The following TMTC4 variants were observed in gnomAD, a reference collection of about 807,000 sequenced individuals.
The protein encoded by TMTC4 is transmembrane O-mannosyltransferase targeting cadherins 4, also known as protein O-mannosyl-transferase TMTC4.
TMTC4 carries 65 observed loss-of-function variants against 86.0 expected under a neutral mutation model. The ratio of observed to expected loss-of-function variants is 0.76; its 90% CI spans 0.62 to 0.93. The LOEUF (loss-of-function observed/expected upper bound fraction) is 0.93. Among genes scored for constraint, TMTC4 ranks in the 40% least tolerant of loss-of-function variants. The pLI is 0.00. For synonymous variants in TMTC4, 379 were observed against 382.5 expected (o/e 0.99, Z 0.11); for missense variants, 866 against 948.1 (o/e 0.91, Z 1.14).
chr13:100,635,744 A>G (rs975233580), intron 10 of TMTC4: 1 of 153,050 alleles, frequency 6.5e-6, no homozygotes, highest in Non-Finnish European at 1.5e-5. Context: ...GAGCATTGAA[A>G]CACTTCTGGA....
At chr13:100,626,268 C>T in intron 12 of TMTC4, 118 bp from the exon 13 acceptor site, 1 of 1,062,816 alleles carries the variant, frequency 9.4e-7, no homozygotes, top group South Asian at 1.4e-5. Context: ...AAATCACCCA[C>T]CAGAACTTTA....
At position 100,610,175 on chromosome 13, in the gene TMTC4, C is replaced by T. The variant is rs1877336009; in HGVS notation, c.2064+2223G>A. On this transcript the variant is annotated intron_variant, in intron 17 of 18. Coordinates refer to ENST00000342624, the MANE Select transcript of TMTC4 (RefSeq NM_032813.5). ...AGTGCTTGGGTAAAAAGTGAGTTGT[C>T]AGGGAGCAGACACCTGCCCTGCCAT... 3.3e-5 allele frequency among the ~76,000 whole-genome samples: 5 copies of T among 152,182 alleles called. No individual in the cohort carries two copies. The South Asian group carries it at 1.0e-3, about 32-fold the overall frequency.
At chr13:100,660,821 T>C (rs369680549) in intron 5 of TMTC4, among the ~76,000 whole-genome samples, 45 of 152,156 alleles carry the variant, frequency 3.0e-4, no homozygotes, top group Admixed American at 1.1e-3. Context: ...GCCCGGCTCA[T>C]TTTTGTATTT....
Position 100,636,635 on chromosome 13 carries a change from T to C in TMTC4, c.1099A>G (p.Lys367Glu). The C allele has an allele frequency of 6.2e-7, 1 of 1,614,178 alleles. No individual in the cohort carries two copies. Among genetic ancestry groups the C allele is most frequent in the Admixed American group, 1.7e-5 (1 of 60,020 alleles). ...ATTACCCTCCAGTCGCTGATGGACT[T>C]AATGAGGGGGATGCAGCCCATTGAC... Reference protein sequence around the residue: ...DWSMGCIPLIKSISDWRVIAL... With the variant: ...DWSMGCIPLIESISDWRVIAL... The change falls in exon 10 of 19, where the codon AAG becomes GAG. Residue 367 changes from lysine to glutamate, a missense_variant. By Grantham distance (56) the Lys-to-Glu change is moderately conservative. Coordinates refer to ENST00000342624, the MANE Select transcript of TMTC4 (RefSeq NM_032813.5).
intron 7 of TMTC4, chr13:100,638,862 T>A (rs1882625091): frequency 6.6e-6 from 1 of 152,316 alleles, no homozygotes; most frequent in Non-Finnish European, 1.5e-5. Context: ...GCTCTGTCCA[T>A]GACCCATGAG....
At chr13:100,673,457 C>T (rs1594399324) in intron 1 of TMTC4, among the ~76,000 whole-genome samples, 1 of 152,236 alleles carries the variant, frequency 6.6e-6, no homozygotes, top group African/African-American at 2.4e-5. Context: ...CCTATGCACG[C>T]TGAGAGGTGA....
At chr13:100,650,873 C>T (rs184200400) in intron 6 of TMTC4, among the ~76,000 whole-genome samples, 1 of 152,318 alleles carries the variant, frequency 6.6e-6, no homozygotes, top group East Asian at 1.9e-4. Flanking sequence ...CAAAGAAAAA[C>T]AGGTGTCTTT....
At chr13:100,624,677 T>C (rs968234597) in intron 15 of TMTC4, among the ~76,000 whole-genome samples, 3 of 152,260 alleles carry the variant, frequency 2.0e-5, no homozygotes, top group Admixed American at 6.5e-5. Context: ...CCTTCCTACC[T>C]GTAAGGCTAA....
At chr13:100,618,697 G>A (rs1473063746) in intron 15 of TMTC4, among the ~76,000 whole-genome samples, 1 of 151,914 alleles carries the variant, frequency 6.6e-6, no homozygotes, top group African/African-American at 2.4e-5. Context: ...GATTCTTAAC[G>A]AGCATGCTGC....
chr13:100,647,370 C>A (rs926625504), intron 6 of TMTC4, among the ~76,000 whole-genome samples: 1 of 152,178 alleles, frequency 6.6e-6, no homozygotes, highest in Non-Finnish European at 1.5e-5. Context: ...GTTGACCAGG[C>A]GCTCAGCTCC....
Position 100,625,523 on chromosome 13 carries a change from C to G in TMTC4, c.1836+12G>C, listed in dbSNP as rs532302006. ...TCTTTCCTTCCACAGGCACAGGGCA[C>G]CCCGCGCTTACCAGACGCCCGAGGT... is the stretch of plus-strand genomic sequence containing the variant. On this transcript the variant is annotated intron_variant, in intron 15 of 18. Transcript: ENST00000342624. 2.2e-4 allele frequency: 351 copies of G among 1,613,090 alleles called. 3 individuals carry two copies. In the South Asian group the frequency reaches 3.7e-3, roughly 17 times the overall value.
chr13:100,656,249 C>T, intron 6 of TMTC4, 132 bp downstream of exon 6: 2 of 658,096 alleles, frequency 3.0e-6, no homozygotes, highest in Non-Finnish European at 5.1e-6. Context: ...AGAGTTTATG[C>T]ATCCTCTGGC....
At chr13:100,625,174 A>ATC in intron 15 of TMTC4, 1 of 243,482 alleles carries the variant, frequency 4.1e-6, no homozygotes, top group South Asian at 5.5e-5. Context: ...TGTTACTTTA[A>ATC]TCTCTGTTCT....
intron 10 of TMTC4, 23 bp downstream of exon 10, chr13:100,636,509 T>A: frequency 6.2e-7 from 1 of 1,613,780 alleles, no homozygotes; most frequent in Non-Finnish European, 8.5e-7. Flanking sequence ...GCGTGGAACT[T>A]AAGATTCAGT....
intron 6 of TMTC4, among the ~76,000 whole-genome samples, chr13:100,652,055 G>A (rs1017401025): frequency 7.9e-5 from 12 of 152,140 alleles, no homozygotes; most frequent in African/African-American, 2.9e-4. Context: ...ATAAAAACAT[G>A]GCTGGAGGCT....
At chr13:100,673,942 G>A (rs1887476570) in intron 1 of TMTC4, 6 of 809,126 alleles carry the variant, frequency 7.4e-6, no homozygotes, top group Non-Finnish European at 9.0e-6. Flanking sequence ...CTCTCCCGGG[G>A]AAAGAGCGAA....
intron 15 of TMTC4, chr13:100,623,950 G>C (rs1880001870): frequency 2.2e-5 from 10 of 461,774 alleles, no homozygotes; most frequent in South Asian, 1.6e-4. Flanking sequence ...TTTGGGGGTA[G>C]TACATTGTAT....
intron 3 of TMTC4, chr13:100,666,040 T>G: frequency 2.2e-6 from 1 of 456,696 alleles, no homozygotes; most frequent in Non-Finnish European, 4.4e-6. Flanking sequence ...TTCCTCCCTT[T>G]GAACAGGAAA....
At chr13:100,658,814 T>C (rs1885426246) in intron 5 of TMTC4, among the ~76,000 whole-genome samples, 2 of 152,182 alleles carry the variant, frequency 1.3e-5, no homozygotes, top group African/African-American at 4.8e-5. Flanking sequence ...AACAAAATTT[T>C]TAAAGTATGG....
Sources: allele counts gnomAD v4.1 joint callset (sites outside exome capture counted in the v4.1 genomes callset), GRCh38; gene constraint gnomAD v4.1.1; transcripts MANE v1.5; gene names NCBI Gene and HGNC (gene_info 2026-07-23, HGNC 2026-07-21).